Variants in NFATC2 observed in about 807,000 individuals in gnomAD.
The protein encoded by NFATC2 is nuclear factor of activated T-cells, cytoplasmic 2.
A neutral mutation model predicts 87.3 loss-of-function variants in NFATC2; 22 were observed. That is an observed-to-expected ratio of 0.25 (90% CI 0.18 to 0.36). The LOEUF is 0.36. Ranked by LOEUF, NFATC2 falls within the 10% of genes least tolerant of loss-of-function variation. The pLI is 1.00. For synonymous variants in NFATC2, 565 were observed against 542.2 expected (o/e 1.04, Z -0.58); for missense variants, 1,149 against 1,259.1 (o/e 0.91, Z 1.32).
At chr20:51,484,537 G>A (rs898474300) in intron 3 of NFATC2, among the ~76,000 whole-genome samples, 5 of 152,218 alleles carry the variant, frequency 3.3e-5, no homozygotes, top group South Asian at 2.1e-4. Flanking sequence ...TCCAACGAGC[G>A]AGCAAGGCTA....
At chr20:51,502,676 GA>G (rs1192315806) in intron 3 of NFATC2, among the ~76,000 whole-genome samples, 7 of 151,608 alleles carry the variant, frequency 4.6e-5, no homozygotes, top group South Asian at 2.1e-4. Context: ...AGGAGAGACG[GA>G]TAGATACATG....
Position 51,523,440 on chromosome 20 carries a change from G to C in NFATC2, c.801C>G (p.Ala267=). Residue 267 remains alanine, a synonymous_variant, in exon 2 of 11, where the codon GCC becomes GCG. Coordinates refer to ENST00000371564, the MANE Select transcript of NFATC2 (RefSeq NM_012340.5). The surrounding 1 kb of genome is among the most constrained non-coding windows in gnomAD (Gnocchi z 6.9). ...AEALVALPPG[A]SPQRSRSPSP... is the part of the protein sequence containing the mutation. ...AGGGGCTCCGGGAGCGCTGGGGTGAGGCTCCGGGCGGCAGGGCAACCAAGG... is the reference window on the plus strand; with the variant it reads ...AGGGGCTCCGGGAGCGCTGGGGTGACGCTCCGGGCGGCAGGGCAACCAAGG... The C allele has an allele frequency of 6.2e-7, 1 of 1,608,750 alleles. No homozygotes were observed. The highest frequency in any genetic ancestry group is 8.5e-7 in the Non-Finnish European group (1 of 1,177,464).
intron 5 of NFATC2, among the ~76,000 whole-genome samples, chr20:51,463,529 A>G (rs1350943800): frequency 1.3e-5 from 2 of 152,122 alleles, no homozygotes; most frequent in African/African-American, 4.8e-5. Context: ...TACCATTCCA[A>G]TGTACTAACA....
intron 3 of NFATC2, among the ~76,000 whole-genome samples, chr20:51,477,575 AT>A (rs1568667382): frequency 0.043 from 3,800 of 88,126 alleles, 78 homozygotes; most frequent in Middle Eastern, 0.14. Flanking sequence ...ATATATATAT[AT>A]ATATAAAATA....
intron 9 of NFATC2, among the ~76,000 whole-genome samples, chr20:51,414,988 G>T (rs1322964355): frequency 2.0e-5 from 3 of 151,974 alleles, no homozygotes; most frequent in Admixed American, 6.6e-5. Flanking sequence ...GGTTGCTAAT[G>T]CCTGTAATCC....
intron 6 of NFATC2, among the ~76,000 whole-genome samples, chr20:51,435,995 A>T (rs1983509040): frequency 6.6e-6 from 1 of 152,202 alleles, no homozygotes; most frequent in Admixed American, 6.5e-5. Context: ...TAAGCAAATT[A>T]AGGCAGGAAC....
intron 9 of NFATC2, among the ~76,000 whole-genome samples, chr20:51,424,457 C>T (rs892001803): frequency 2.6e-5 from 4 of 152,158 alleles, no homozygotes; most frequent in Admixed American, 6.5e-5. Context: ...TCACCGTGCG[C>T]GTCTGGTACT....
intron 4 of NFATC2, among the ~76,000 whole-genome samples, chr20:51,475,166 A>G (rs945623619): frequency 2.0e-5 from 3 of 151,920 alleles, no homozygotes; most frequent in Admixed American, 6.6e-5. Context: ...ATGGGGTTTC[A>G]CCATGCTGGC....
At chr20:51,529,011 T>A (rs919983675) in intron 1 of NFATC2, among the ~76,000 whole-genome samples, 2 of 151,990 alleles carry the variant, frequency 1.3e-5, no homozygotes, top group African/African-American at 2.4e-5. Context: ...AATTCGCACA[T>A]ACACACACAC....
intron 10 of NFATC2, among the ~76,000 whole-genome samples, chr20:51,395,157 G>A (rs1353004298): frequency 3.9e-5 from 6 of 152,274 alleles, no homozygotes. Context: ...TGTGTGCCAG[G>A]CCCTATACAG....
intron 1 of NFATC2, among the ~76,000 whole-genome samples, chr20:51,550,546 G>A (rs1259517467): frequency 6.6e-6 from 1 of 152,018 alleles, no homozygotes; most frequent in African/African-American, 2.4e-5. Context: ...AGCCGAGATT[G>A]CGCCATTGTA....
chr20:51,443,883 G>T (rs1984694775), intron 6 of NFATC2, among the ~76,000 whole-genome samples: 1 of 151,924 alleles, frequency 6.6e-6, no homozygotes, highest in Non-Finnish European at 1.5e-5. Flanking sequence ...TGGGCAAAAG[G>T]GTTAGGTCTA....
Position 51,432,352 on chromosome 20 carries a change from A to AGT in NFATC2, c.2435_2436dup (p.Tyr813ThrfsTer44). On this transcript the variant is annotated frameshift_variant, in exon 9 of 11. Coordinates refer to ENST00000371564, the MANE Select transcript of NFATC2 (RefSeq NM_012340.5). LOFTEE classifies it high-confidence loss of function. The surrounding 1 kb of genome is among the most constrained non-coding windows in gnomAD (Gnocchi z 4.6). ...CGCAGCTGCTGGTTGGTGGGTGAGTAGTGGATCACAGGCGAGGCCTGCTGG... is the reference window on the plus strand; with the variant it reads ...CGCAGCTGCTGGTTGGTGGGTGAGTAGTGTGGATCACAGGCGAGGCCTGCTGG... 6.2e-7 allele frequency: 1 copy of AGT among 1,613,944 alleles called. No individual in the cohort carries two copies. Among genetic ancestry groups the AGT allele is most frequent in the Non-Finnish European group, 8.5e-7 (1 of 1,179,934 alleles).
chr20:51,461,056 T>A (rs1011996456), intron 5 of NFATC2, among the ~76,000 whole-genome samples: 1 of 152,180 alleles, frequency 6.6e-6, no homozygotes. Flanking sequence ...CAGGCCCCAG[T>A]CCTCAGAGAA....
chr20:51,562,202 G>C lies in NFATC2; in HGVS notation c.70+358C>G, dbSNP rs933136240. ...ATACTGCAGCGTTATGGCATTTGCTGTCAAAAGCCGAGTGCTGAAACGGTT... is the reference window on the plus strand; with the variant it reads ...ATACTGCAGCGTTATGGCATTTGCTCTCAAAAGCCGAGTGCTGAAACGGTT... On this transcript the variant is annotated intron_variant, in intron 1 of 10. Coordinates refer to the NFATC2 transcript ENST00000414705. This position sits in a 1 kb window ranked among gnomAD's most constrained non-coding sequence, Gnocchi z 5.8. Among the ~76,000 whole-genome samples the C allele has an allele frequency of 3.3e-5, 5 of 152,236 alleles. No homozygotes were observed. Among genetic ancestry groups the C allele is most frequent in the African/African-American group, 1.2e-4 (5 of 41,478 alleles).
intron 6 of NFATC2, among the ~76,000 whole-genome samples, chr20:51,454,049 A>G (rs1308321077): frequency 6.6e-6 from 1 of 152,190 alleles, no homozygotes; most frequent in Non-Finnish European, 1.5e-5. Context: ...ACTTGGCACT[A>G]TTATAATTAC....
intron 3 of NFATC2, among the ~76,000 whole-genome samples, chr20:51,491,917 CA>C (rs2075896271): frequency 1.4e-5 from 2 of 147,770 alleles, no homozygotes; most frequent in Non-Finnish European, 3.0e-5. Flanking sequence ...CACACACACA[CA>C]CCCCTTGCCC....
chr20:51,446,165 T>TGGAGTC (rs1364311703), intron 6 of NFATC2, among the ~76,000 whole-genome samples: 14 of 152,158 alleles, frequency 9.2e-5, no homozygotes, highest in Admixed American at 9.2e-4. Flanking sequence ...GCTGCCAGGC[T>TGGAGTC]ATGACTCCAG....
At chr20:51,479,063 G>A (rs561423062) in intron 3 of NFATC2, among the ~76,000 whole-genome samples, 31 of 152,284 alleles carry the variant, frequency 2.0e-4, no homozygotes, top group South Asian at 2.1e-4. Flanking sequence ...GTTTCCAGCC[G>A]TAGTGGGAAT....
Sources: gnomAD v4.1 joint callset for allele counts (sites outside exome capture counted in the v4.1 genomes callset) on GRCh38, gnomAD v4.1.1 for gene constraint, Gnocchi (gnomAD v3.1) non-coding constraint, MANE v1.5 for transcripts, NCBI Gene and HGNC (gene_info 2026-07-23, HGNC 2026-07-21) for gene names.